NBEA: variants seen among roughly 807,000 people sequenced by gnomAD.
NBEA encodes the protein neurobeachin.
NBEA carries 44 observed loss-of-function variants against 343.4 expected under a neutral mutation model. That is an observed-to-expected ratio of 0.13 (90% CI 0.10 to 0.16). The LOEUF (loss-of-function observed/expected upper bound fraction) is 0.16, where lower values mean the gene tolerates loss of function less well. Among genes scored for constraint, NBEA ranks in the 10% least tolerant of loss-of-function variants. NBEA has a pLI of 1.00. For synonymous variants in NBEA, 1,175 were observed against 1,238.7 expected (o/e 0.95, Z 1.08); for missense variants, 2,555 against 3,631.3 (o/e 0.70, Z 7.62).
At chr13:35,354,612 A>C (rs568931436) in intron 38 of NBEA, among the ~76,000 whole-genome samples, 30 of 152,146 alleles carry the variant, frequency 2.0e-4, no homozygotes, top group African/African-American at 7.0e-4. Flanking sequence ...TGAAAAAAAA[A>C]CCACAATATT....
intron 49 of NBEA, among the ~76,000 whole-genome samples, chr13:35,629,614 A>G (rs1298027804): frequency 6.6e-6 from 1 of 152,226 alleles, no homozygotes; most frequent in East Asian, 1.9e-4. Context: ...GACAGAATGA[A>G]TGAATGAGAG....
intron 10 of NBEA, among the ~76,000 whole-genome samples, chr13:35,085,610 A>C (rs924216890): frequency 6.6e-6 from 1 of 152,138 alleles, no homozygotes; most frequent in Admixed American, 6.6e-5. Context: ...TTTATGACAA[A>C]CCCACAGCCA....
intron 36 of NBEA, among the ~76,000 whole-genome samples, chr13:35,325,801 A>T (rs1302119015): frequency 6.6e-6 from 1 of 152,080 alleles, no homozygotes; most frequent in East Asian, 1.9e-4. Context: ...ATATAATTTA[A>T]ATTTTTAATC....
In NBEA at chr13:35,155,782, A is replaced by T; in HGVS notation, c.2454A>T (p.Thr818=). The part of the protein sequence containing the change: ...TTYNTLYEIL[T]EQVCTQVVHK... ...AATTCTTCATTTTTCAGATCTTGAC[A>T]GAACAAGTATGTACTCAGGTCGTAC... Residue 818 remains threonine (T), a synonymous_variant, in exon 19 of 59, where the codon ACA becomes ACT. Transcript: ENST00000379939. 2 of 1,606,870 alleles carry T rather than the reference A, an allele frequency of 1.2e-6. No individual in the cohort carries two copies. The highest frequency in any genetic ancestry group is 1.7e-6 in the Non-Finnish European group (2 of 1,173,802).
At chr13:35,386,776 G>A (rs1231536470) in intron 38 of NBEA, among the ~76,000 whole-genome samples, 1 of 152,070 alleles carries the variant, frequency 6.6e-6, no homozygotes, top group Non-Finnish European at 1.5e-5. Flanking sequence ...AATATATTGA[G>A]TTTTTTATGG....
At chr13:35,143,908 A>C (rs890280953) in intron 18 of NBEA, among the ~76,000 whole-genome samples, 73 of 151,522 alleles carry the variant, frequency 4.8e-4, no homozygotes, top group African/African-American at 1.4e-3. Context: ...AAAAACAAAA[A>C]AAAAAACAAA....
chr13:35,316,590 G>A (rs1028554241), intron 36 of NBEA, among the ~76,000 whole-genome samples: 2 of 152,276 alleles, frequency 1.3e-5, no homozygotes, highest in East Asian at 3.9e-4. Flanking sequence ...TGTGTTTATA[G>A]TAGAATGATT....
intron 33 of NBEA, among the ~76,000 whole-genome samples, chr13:35,215,762 G>A (rs1421320494): frequency 4.6e-5 from 7 of 151,424 alleles, no homozygotes; most frequent in Admixed American, 4.6e-4. Flanking sequence ...TGTAGCTTTA[G>A]TATTATTTAT....
At chr13:35,162,806 G>A (rs1333232795) in intron 23 of NBEA, among the ~76,000 whole-genome samples, 1 of 151,932 alleles carries the variant, frequency 6.6e-6, no homozygotes, top group African/African-American at 2.4e-5. Context: ...ACCCAGTCAA[G>A]CTCAATAATA....
intron 38 of NBEA, among the ~76,000 whole-genome samples, chr13:35,429,910 G>A (rs2044988295): frequency 6.6e-6 from 1 of 151,822 alleles, no homozygotes; most frequent in Non-Finnish European, 1.5e-5. Context: ...TGCAAATTGT[G>A]CTGCTATAAA....
At chr13:35,098,876 G>A (rs754227032) in intron 11 of NBEA, among the ~76,000 whole-genome samples, 11 of 151,996 alleles carry the variant, frequency 7.2e-5, no homozygotes, top group Non-Finnish European at 1.5e-4. Context: ...TTTTCATGCT[G>A]TATACACTGT....
chr13:35,137,946 C>T (rs2067835320), intron 17 of NBEA, among the ~76,000 whole-genome samples: 2 of 151,472 alleles, frequency 1.3e-5, no homozygotes, highest in Admixed American at 1.3e-4. Context: ...CCACAAAATC[C>T]CTTGAAATTC....
chr13:35,114,260 C>T (rs1450061311), intron 13 of NBEA, among the ~76,000 whole-genome samples: 1 of 152,130 alleles, frequency 6.6e-6, no homozygotes, highest in East Asian at 1.9e-4. Flanking sequence ...CACAGCAGTA[C>T]CTTCAATTCC....
At chr13:35,316,772 T>A (rs183992178) in intron 36 of NBEA, among the ~76,000 whole-genome samples, 1 of 152,326 alleles carries the variant, frequency 6.6e-6, no homozygotes, top group African/African-American at 2.4e-5. Context: ...CAGGATCTGT[T>A]GTTTCCTGAC....
intron 25 of NBEA, among the ~76,000 whole-genome samples, chr13:35,170,067 T>C (rs1307079471): frequency 1.3e-5 from 2 of 151,806 alleles, no homozygotes; most frequent in African/African-American, 4.8e-5. Flanking sequence ...AAAACTGAGC[T>C]TAGTTATATA....
At chr13:35,571,097 G>C (rs2080389909) in intron 45 of NBEA, among the ~76,000 whole-genome samples, 1 of 152,126 alleles carries the variant, frequency 6.6e-6, no homozygotes, top group Admixed American at 6.5e-5. Context: ...CCTGATCCCA[G>C]TAATAATTCT....
intron 35 of NBEA, among the ~76,000 whole-genome samples, chr13:35,303,437 A>C (rs959849894): frequency 1.1e-4 from 17 of 152,158 alleles, no homozygotes; most frequent in Admixed American, 9.8e-4. Context: ...TTATATTAGA[A>C]TTTAAAACCA....
At chr13:35,342,124 A>G (rs2039621347) in intron 36 of NBEA, among the ~76,000 whole-genome samples, 1 of 152,130 alleles carries the variant, frequency 6.6e-6, no homozygotes, top group South Asian at 2.1e-4. Flanking sequence ...GTATGATTCC[A>G]TTTAAATGAA....
intron 41 of NBEA, among the ~76,000 whole-genome samples, chr13:35,519,052 C>A (rs1402919691): frequency 6.6e-6 from 1 of 152,214 alleles, no homozygotes; most frequent in African/African-American, 2.4e-5. Flanking sequence ...TTGACTAATA[C>A]AATTCTACTT....
Sources: allele counts gnomAD v4.1 joint callset (sites outside exome capture counted in the v4.1 genomes callset), GRCh38; gene constraint gnomAD v4.1.1; transcripts MANE v1.5; gene names NCBI Gene and HGNC (gene_info 2026-07-23, HGNC 2026-07-21).